Variants in RALGAPB observed in about 807,000 individuals in gnomAD.
The protein encoded by RALGAPB is Ral GTPase activating protein non-catalytic subunit beta, also known as ral GTPase-activating protein subunit beta.
A neutral mutation model predicts 161.1 loss-of-function variants in RALGAPB; 25 were observed. That is an observed-to-expected ratio of 0.16 (90% CI 0.11 to 0.22). The LOEUF is 0.22. RALGAPB is among the 10% of genes least tolerant of loss of function. The pLI is 1.00. For missense variants in RALGAPB, 1,391 were observed against 1,815.2 expected (o/e 0.77, Z 4.25); for synonymous variants, 629 against 626.1 (o/e 1.00, Z -0.07).
intron 26 of RALGAPB, among the ~76,000 whole-genome samples, chr20:38,568,313 C>T (rs572342269): frequency 2.0e-5 from 3 of 151,150 alleles, no homozygotes; most frequent in East Asian, 1.9e-4. Flanking sequence ...ATGGAGAAAA[C>T]GCAGTTGACA....
intron 18 of RALGAPB, 65 bp from the exon 19 acceptor site, chr20:38,546,178 G>T (rs2087155531): frequency 1.6e-5 from 25 of 1,604,492 alleles, no homozygotes; most frequent in Non-Finnish European, 2.1e-5. Flanking sequence ...GGGACACATT[G>T]ATGCACAAGG....
chr20:38,521,083 A>T (rs993694576), intron 9 of RALGAPB, among the ~76,000 whole-genome samples: 6 of 152,164 alleles, frequency 3.9e-5, no homozygotes, highest in African/African-American at 1.4e-4. Flanking sequence ...TAGGATGTCC[A>T]TCTGGGGTAA....
intron 4 of RALGAPB, among the ~76,000 whole-genome samples, chr20:38,498,605 G>A (rs2085494929): frequency 6.6e-6 from 1 of 152,236 alleles, no homozygotes; most frequent in Admixed American, 6.5e-5. Context: ...GCATGAGGCA[G>A]ACAATTCATC....
chr20:38,487,334 A>T (rs1304933464), intron 1 of RALGAPB, among the ~76,000 whole-genome samples: 2 of 151,254 alleles, frequency 1.3e-5, no homozygotes, highest in South Asian at 2.1e-4. Flanking sequence ...TTTATTGTTG[A>T]TTTTTTTTTA....
At position 38,493,102 on chromosome 20, in the gene RALGAPB, TA is replaced by T; in HGVS notation, c.363del (p.Lys121AsnfsTer25). 6.2e-7 allele frequency: 1 copy of T among 1,609,514 alleles called. No homozygotes were observed. The highest frequency in any genetic ancestry group is 8.5e-7 in the Non-Finnish European group (1 of 1,176,822). On this transcript the variant is annotated frameshift_variant, in exon 3 of 30. Coordinates refer to ENST00000262879, the MANE Select transcript of RALGAPB (RefSeq NM_020336.4). LOFTEE classifies it high-confidence loss of function. ...KEPNQYVQTI[L>X]KHLQNLFVPR... ...CCTAATCAATATGTTCAAACTATAC[TA>T]AAACACCTACAGAATCTTTTTGTAC...
rs1295684129 is a variant in RALGAPB at position 38,524,764 on chromosome 20, T to A, written c.1620-14T>A. 2 of 1,577,354 alleles carry A rather than the reference T, an allele frequency of 1.3e-6. No individual in the cohort carries two copies. Among genetic ancestry groups the A allele is most frequent in the Non-Finnish European group, 1.7e-6 (2 of 1,151,614 alleles). ...ATCAGCAGTTTGTTTAAAATTTTTT[T>A]CTTGCTTTCCTAGATTTTACATGCT... On this transcript the variant is annotated splice_polypyrimidine_tract_variant and intron_variant, in intron 10 of 29. Transcript: ENST00000262879.
chr20:38,560,390 T>A (rs2087745694), intron 23 of RALGAPB, among the ~76,000 whole-genome samples: 1 of 152,094 alleles, frequency 6.6e-6, no homozygotes, highest in South Asian at 2.1e-4. Context: ...TAACTGTAGG[T>A]AAGGAGGTAG....
chr20:38,484,335 G>A (rs971412365), intron 1 of RALGAPB, among the ~76,000 whole-genome samples: 4 of 152,132 alleles, frequency 2.6e-5, no homozygotes, highest in African/African-American at 7.2e-5. Context: ...CCATAGTTGG[G>A]TTATAAGCCC....
chr20:38,480,363 A>T (rs1253036787), intron 1 of RALGAPB, among the ~76,000 whole-genome samples: 97 of 111,000 alleles, frequency 8.7e-4, no homozygotes, highest in African/African-American at 2.0e-3. Flanking sequence ...CCTTTCTTTT[A>T]TGTATTTTCT....
At chr20:38,516,803 G>A (rs1400671818) in intron 7 of RALGAPB, among the ~76,000 whole-genome samples, 1 of 152,084 alleles carries the variant, frequency 6.6e-6, no homozygotes, top group Non-Finnish European at 1.5e-5. Flanking sequence ...TCATTAAAAA[G>A]CAAATTATAC....
In RALGAPB at chr20:38,488,388, G is replaced by A; in HGVS notation, c.-30-15G>A. 3 of 1,496,162 alleles carry A rather than the reference G, an allele frequency of 2.0e-6. No homozygotes were observed. Among genetic ancestry groups the A allele is most frequent in the East Asian group, 2.3e-5 (1 of 43,474 alleles). The allele number at this position is 1,496,162 out of a possible 1,614,324, so 92.7% of individuals were successfully genotyped here. On this transcript the variant is annotated splice_polypyrimidine_tract_variant and intron_variant, in intron 1 of 29. Transcript: ENST00000262879. ...ATAGTATAATTTGACATGCATTTCT[G>A]TTTTGTCTTTTCAGGTGCCATTTGG...
intron 24 of RALGAPB, among the ~76,000 whole-genome samples, chr20:38,563,915 C>T (rs2087886457): frequency 6.6e-6 from 1 of 152,318 alleles, no homozygotes; most frequent in Admixed American, 6.5e-5. Flanking sequence ...CCAGGCTTTA[C>T]ATTCACATAC....
rs148993514 is a variant in RALGAPB, at chr20:38,501,430, G to A, written c.740+1797G>A. ...AGTTTGAGACCACTCTGGGCAACTTGGCAAAAGCCCATCTCTACAAAAAAT... is the reference window on the plus strand; with the variant it reads ...AGTTTGAGACCACTCTGGGCAACTTAGCAAAAGCCCATCTCTACAAAAAAT... On this transcript the variant is annotated intron_variant, in intron 5 of 29. Coordinates refer to ENST00000262879, the MANE Select transcript of RALGAPB (RefSeq NM_020336.4). Among the ~76,000 whole-genome samples the A allele has an allele frequency of 6.4e-3, 974 of 152,258 alleles. 13 individuals carry two copies. The highest frequency in any genetic ancestry group is 0.022 in the African/African-American group (930 of 41,550).
chr20:38,500,019 A>G (rs1367392563), intron 5 of RALGAPB: 1 of 153,240 alleles, frequency 6.5e-6, no homozygotes, highest in Non-Finnish European at 1.5e-5. Context: ...TTTTACAGGA[A>G]TGGGACCATA....
intron 1 of RALGAPB, among the ~76,000 whole-genome samples, chr20:38,487,334 AT>A (rs11481428): frequency 6.6e-6 from 1 of 151,254 alleles, no homozygotes; most frequent in African/African-American, 2.4e-5. Flanking sequence ...TTTATTGTTG[AT>A]TTTTTTTTAT....
At chr20:38,517,327 A>G (rs1484179126) in intron 7 of RALGAPB, among the ~76,000 whole-genome samples, 179 bp from the exon 8 acceptor site, 3 of 152,176 alleles carry the variant, frequency 2.0e-5, no homozygotes, top group Non-Finnish European at 4.4e-5. Flanking sequence ...AGCCATGTCC[A>G]TCTAAAGTTT....
rs1004211324 is a variant in RALGAPB at position 38,531,028 on chromosome 20, C to T, written c.2051-139C>T. On this transcript the variant is annotated intron_variant, in intron 13 of 29. Coordinates refer to ENST00000262879, the MANE Select transcript of RALGAPB (RefSeq NM_020336.4). The stretch of plus-strand genomic sequence containing the variant: ...ACAGTTCAAGCTCTTGTTTAAGAGC[C>T]AACTATAATTTCATGGGTATTTCAG... 3 of 687,532 alleles carry T rather than the reference C, an allele frequency of 4.4e-6. No homozygotes were observed. In the African/African-American group the frequency reaches 5.5e-5, roughly 13 times the overall value. 42.6% of individuals were successfully genotyped at this position (687,532 alleles called of 1,614,324 possible).
intron 13 of RALGAPB, among the ~76,000 whole-genome samples, chr20:38,529,075 A>G (rs569973926): frequency 1.2e-3 from 189 of 152,268 alleles, no homozygotes; most frequent in Non-Finnish European, 2.1e-3. Flanking sequence ...AGTGATGCCA[A>G]TTCCCTGAGT....
At position 38,562,398 on chromosome 20, in the gene RALGAPB, A is replaced by C. The variant is rs576966984; in HGVS notation, c.3532-134A>C. Reference sequence around the variant, plus strand: ...GGAGAATGCATTTTTCTCTATAGTGATATATCCTCAAATTTATTCTGAGCT... The same window carrying C: ...GGAGAATGCATTTTTCTCTATAGTGCTATATCCTCAAATTTATTCTGAGCT... On this transcript the variant is annotated intron_variant, in intron 23 of 29. Transcript: ENST00000262879. The C allele has an allele frequency of 4.3e-5, 33 of 775,446 alleles. 1 individual carries two copies. The Admixed American group carries it at 1.1e-3, about 25-fold the overall frequency. 48.0% of individuals were successfully genotyped at this position (775,446 alleles called of 1,614,324 possible).
Sources: gnomAD v4.1 joint callset for allele counts (sites outside exome capture counted in the v4.1 genomes callset) on GRCh38, gnomAD v4.1.1 for gene constraint, MANE v1.5 for transcripts, NCBI Gene and HGNC (gene_info 2026-07-23, HGNC 2026-07-21) for gene names.